TACC2: variants seen among roughly 807,000 people sequenced by gnomAD.
TACC2 encodes the protein transforming acidic coiled-coil-containing protein 2.
A neutral mutation model predicts 227.3 loss-of-function variants in TACC2; 137 were observed. The observed-to-expected ratio is 0.60, with a 90% CI of 0.52 to 0.69. The LOEUF is 0.69. TACC2 is among the 30% of genes least tolerant of loss of function. TACC2 has a pLI of 0.00. For synonymous variants in TACC2, 1,523 were observed against 1,487.5 expected (o/e 1.02, Z -0.55); for missense variants, 3,470 against 3,694.4 (o/e 0.94, Z 1.57).
intron 3 of TACC2, among the ~76,000 whole-genome samples, chr10:122,078,588 G>A (rs1477631043): frequency 6.6e-6 from 1 of 152,238 alleles, no homozygotes; most frequent in Non-Finnish European, 1.5e-5. Context: ...CCCAGAGGGT[G>A]AAAGGCTTCC....
At chr10:122,071,472 A>T (rs2078045491) in intron 3 of TACC2, among the ~76,000 whole-genome samples, 1 of 152,054 alleles carries the variant, frequency 6.6e-6, no homozygotes, top group African/African-American at 2.4e-5. Context: ...TGGTTAAAAG[A>T]TAGTTTTCGA....
intron 1 of TACC2, among the ~76,000 whole-genome samples, chr10:122,010,252 T>C (rs1016671021): frequency 6.6e-6 from 1 of 152,224 alleles, no homozygotes; most frequent in African/African-American, 2.4e-5. Context: ...TTCTTCATGA[T>C]GTTGATACTG....
intron 11 of TACC2, among the ~76,000 whole-genome samples, chr10:122,223,054 T>C (rs1017240609): frequency 3.2e-4 from 18 of 56,214 alleles, no homozygotes; most frequent in African/African-American, 1.4e-3. Flanking sequence ...TCTCTCTCTC[T>C]TTTTTTTTTT....
At chr10:122,143,982 A>G (rs1297667986) in intron 7 of TACC2, among the ~76,000 whole-genome samples, 1 of 152,156 alleles carries the variant, frequency 6.6e-6, no homozygotes, top group African/African-American at 2.4e-5. Flanking sequence ...AGATGGATGG[A>G]TGATCTATAT....
rs74829832 is a variant in TACC2, at chr10:122,010,663, G to A, written c.-45-11274G>A. On this transcript the variant is annotated intron_variant, in intron 1 of 22. Coordinates refer to ENST00000369005, the MANE Select transcript of TACC2 (RefSeq NM_206862.4). ...TTTCAACAGTGGAGAGGGATTGGACGCATCCCTCAGTCTTCCCTCGTGTGG... is the reference window on the plus strand; with the variant it reads ...TTTCAACAGTGGAGAGGGATTGGACACATCCCTCAGTCTTCCCTCGTGTGG... Among the ~76,000 whole-genome samples the A allele has an allele frequency of 5.7e-3, 861 of 152,198 alleles. 9 individuals carry two copies. The highest frequency in any genetic ancestry group is 0.02 in the African/African-American group (824 of 41,512).
intron 7 of TACC2, among the ~76,000 whole-genome samples, chr10:122,181,348 G>C (rs1474841685): frequency 6.6e-6 from 1 of 152,176 alleles, no homozygotes; most frequent in Non-Finnish European, 1.5e-5. Flanking sequence ...GCTACTGGGA[G>C]CATGGCCGTG....
chr10:122,150,102 G>A lies in TACC2; in HGVS notation c.5834+6396G>A, dbSNP rs1230643415. 1.3e-5 allele frequency among the ~76,000 whole-genome samples: 2 copies of A among 152,222 alleles called. No homozygotes were observed. The highest frequency in any genetic ancestry group is 2.9e-5 in the Non-Finnish European group (2 of 68,042). On this transcript the variant is annotated intron_variant, in intron 7 of 22. Transcript: ENST00000369005. The surrounding 1 kb of genome is among the most constrained non-coding windows in gnomAD (Gnocchi z 4.0). ...TCAGTTCCGTGGGCCCAGGTCTGCAGTTCTTTTCCTCCTTCTGGGAGGGGA... is the reference window on the plus strand; with the variant it reads ...TCAGTTCCGTGGGCCCAGGTCTGCAATTCTTTTCCTCCTTCTGGGAGGGGA...
At chr10:122,038,377 G>C (rs2073838621) in intron 2 of TACC2, among the ~76,000 whole-genome samples, 1 of 152,184 alleles carries the variant, frequency 6.6e-6, no homozygotes, top group Non-Finnish European at 1.5e-5. Context: ...ACAGGCTTCT[G>C]CTTTTAAGGG....
At chr10:122,000,809 G>A (rs1446948157) in intron 1 of TACC2, among the ~76,000 whole-genome samples, 1 of 151,458 alleles carries the variant, frequency 6.6e-6, no homozygotes, top group Admixed American at 6.6e-5. Context: ...TCTGTTTTTT[G>A]TTGTTGTTTT....
intron 1 of TACC2, among the ~76,000 whole-genome samples, chr10:122,012,776 G>C (rs944329923): frequency 1.3e-5 from 2 of 151,904 alleles, no homozygotes; most frequent in African/African-American, 4.8e-5. Flanking sequence ...TCCATGGAGG[G>C]GGCTCCAGGT....
chr10:122,230,229 G>GTGTTTTTCCCGAGTGCC, intron 15 of TACC2, 122 bp from the exon 16 acceptor site: 1 of 770,410 alleles, frequency 1.3e-6, no homozygotes, highest in Non-Finnish European at 2.4e-6. Flanking sequence ...GGCGGAGCGC[G>GTGTTTTTCCCGAGTGCC]TGTTTTTCCC....
chr10:122,208,300 AG>A (rs2095193786), intron 8 of TACC2, among the ~76,000 whole-genome samples: 2 of 152,184 alleles, frequency 1.3e-5, no homozygotes, highest in Admixed American at 1.3e-4. Context: ...TGACCAGTCA[AG>A]GGGGAAACAA....
rs557529489 is a variant in TACC2 at position 122,203,607 on chromosome 10, G to A, written c.5972-6790G>A. Among the ~76,000 whole-genome samples the A allele has an allele frequency of 3.3e-5, 5 of 151,644 alleles. No individual in the cohort carries two copies. In the South Asian group the frequency reaches 1.0e-3, roughly 32 times the overall value. The stretch of plus-strand genomic sequence containing the variant: ...CCCACATCTCAGAAGATGGGCGGCC[G>A]GGCAGAGACGCTCCTCACTTCCCAG... On this transcript the variant is annotated intron_variant, in intron 8 of 22. Transcript: ENST00000369005.
At chr10:122,182,882 AG>A (rs1227210493) in intron 7 of TACC2, among the ~76,000 whole-genome samples, 1 of 152,164 alleles carries the variant, frequency 6.6e-6, no homozygotes. Flanking sequence ...ACATAGGTGA[AG>A]ATACATTCGA....
intron 7 of TACC2, among the ~76,000 whole-genome samples, chr10:122,176,769 A>G (rs1057352450): frequency 6.6e-6 from 1 of 152,234 alleles, no homozygotes; most frequent in African/African-American, 2.4e-5. Flanking sequence ...TACAAATTAA[A>G]TGGACATAAA....
chr10:122,136,909 C>G (rs1288319276), intron 6 of TACC2, among the ~76,000 whole-genome samples: 1 of 152,062 alleles, frequency 6.6e-6, no homozygotes, highest in African/African-American at 2.4e-5. Context: ...GGAGCATTTG[C>G]TTTAAGCCAG....
At chr10:122,230,514 C>T in intron 16 of TACC2, 74 bp downstream of exon 16, 9 of 1,400,270 alleles carry the variant, frequency 6.4e-6, no homozygotes, top group Non-Finnish European at 9.1e-6. Context: ...AGCTGCTTTG[C>T]TAACCATCCG....
chr10:122,174,729 A>G (rs1425326579), intron 7 of TACC2, among the ~76,000 whole-genome samples: 1 of 152,308 alleles, frequency 6.6e-6, no homozygotes, highest in East Asian at 1.9e-4. Flanking sequence ...ATTTTCAAGT[A>G]TATAGCACAT....
At position 122,115,641 on chromosome 10, in the gene TACC2, A is replaced by G. The variant is rs775249363; in HGVS notation, c.5574-16968A>G. 1.6e-4 allele frequency among the ~76,000 whole-genome samples: 24 copies of G among 152,300 alleles called. 1 individual carries two copies. Among genetic ancestry groups the G allele is most frequent in the Admixed American group, 4.6e-4 (7 of 15,302 alleles). On this transcript the variant is annotated intron_variant, in intron 5 of 22. Transcript: ENST00000369005. ...ACAGTTCTAATTGGGAGGATGAAAGAAAGGGTCTCTGGGCTTGCCCAGCTC... is the reference window on the plus strand; with the variant it reads ...ACAGTTCTAATTGGGAGGATGAAAGGAAGGGTCTCTGGGCTTGCCCAGCTC...
Sources: allele counts gnomAD v4.1 joint callset (sites outside exome capture counted in the v4.1 genomes callset), GRCh38; gene constraint gnomAD v4.1.1; non-coding constraint Gnocchi (gnomAD v3.1); transcripts MANE v1.5; gene names NCBI Gene and HGNC (gene_info 2026-07-23, HGNC 2026-07-21).